Variants in TRDN observed in about 807,000 individuals in gnomAD.
TRDN encodes triadin in skeletal muscle.
Under a neutral mutation model 149.7 loss-of-function variants are expected in TRDN, and 161 were observed. The observed-to-expected ratio is 1.08, with a 90% CI of 0.95 to 1.23. The LOEUF (loss-of-function observed/expected upper bound fraction) is 1.23, where lower values mean the gene tolerates loss of function less well. Ranked by LOEUF, TRDN falls within the 50% of genes most tolerant of loss-of-function variation. The pLI, the probability that TRDN is intolerant of heterozygous loss-of-function variation, is 0.00. For synonymous variants in TRDN, 294 were observed against 250.5 expected, an observed-to-expected ratio of 1.17 and a Z score of -1.64; for missense variants, 896 against 823.5, an observed-to-expected ratio of 1.09 and a Z score of -1.08.
In TRDN at chr6:123,503,758, C is replaced by A. The variant is rs749401047; in HGVS notation, c.754G>T (p.Asp252Tyr). Residue 252 changes from aspartate (D) to tyrosine (Y), a missense_variant, in exon 8 of 41, where the codon GAC becomes TAC. Physicochemically the swap from Asp to Tyr is radical, Grantham distance 160. Coordinates refer to ENST00000334268, the MANE Select transcript of TRDN (RefSeq NM_006073.4). Reference protein sequence around the residue: ...KTPSKPKEKEDKEKAAVSKHE... With the variant: ...KTPSKPKEKEYKEKAAVSKHE... ...TTTGACACAGCTGCTTTCTCTTTGT[C>A]CTCCTTTTCTTTGGGTTTTGATGGT... 1.3e-5 allele frequency: 21 copies of A among 1,613,526 alleles called. No individual in the cohort carries two copies. The highest frequency in any genetic ancestry group is 1.6e-5 in the Non-Finnish European group (19 of 1,179,794).
intron 9 of TRDN, chr6:123,468,704 GA>G (rs1776980631): frequency 6.6e-6 from 1 of 152,148 alleles, no homozygotes; most frequent in African/African-American, 2.4e-5. Flanking sequence ...TTATGAACGA[GA>G]TTCCCTGATT....
At chr6:123,498,406 G>A (rs1250369135) in intron 8 of TRDN, 2 of 333,402 alleles carry the variant, frequency 6.0e-6, no homozygotes, top group African/African-American at 4.3e-5. Flanking sequence ...AATAAATATA[G>A]TTATTGAAGA....
At chr6:123,307,911 G>C (rs1485901220) in intron 24 of TRDN, among the ~76,000 whole-genome samples, 1 of 151,788 alleles carries the variant, frequency 6.6e-6, no homozygotes, top group Non-Finnish European at 1.5e-5. Flanking sequence ...TTGTTACCTG[G>C]GTATATCGTG....
At chr6:123,491,359 C>T (rs924363420) in intron 9 of TRDN, among the ~76,000 whole-genome samples, 14 of 152,078 alleles carry the variant, frequency 9.2e-5, no homozygotes, top group Non-Finnish European at 1.6e-4. Context: ...ACTGAAGGCT[C>T]ATAGATGATA....
chr6:123,517,640 A>G (rs2114262602), intron 5 of TRDN, among the ~76,000 whole-genome samples: 1 of 152,218 alleles, frequency 6.6e-6, no homozygotes, highest in Non-Finnish European at 1.5e-5. Flanking sequence ...CATTATAACT[A>G]AATGCTAGTA....
intron 1 of TRDN, among the ~76,000 whole-genome samples, chr6:123,588,340 A>G (rs1004473092): frequency 6.6e-6 from 1 of 152,084 alleles, no homozygotes. Flanking sequence ...CTGTTTCGCA[A>G]CTCTTAAAAA....
At chr6:123,623,873 G>T (rs1417247342) in intron 1 of TRDN, among the ~76,000 whole-genome samples, 1 of 151,820 alleles carries the variant, frequency 6.6e-6, no homozygotes, top group Admixed American at 6.6e-5. Flanking sequence ...GTTTTATATT[G>T]ATTCATTCCC....
At chr6:123,505,446 C>G (rs1453480210) in intron 7 of TRDN, among the ~76,000 whole-genome samples, 2 of 151,926 alleles carry the variant, frequency 1.3e-5, no homozygotes, top group African/African-American at 4.8e-5. Context: ...ATTGACTACG[C>G]CAGCACTTCC....
chr6:123,220,737 G>A (rs1775116769), intron 40 of TRDN, among the ~76,000 whole-genome samples: 1 of 151,682 alleles, frequency 6.6e-6, no homozygotes, highest in Non-Finnish European at 1.5e-5. Flanking sequence ...CATCCAAAAA[G>A]CACTGGAGAA....
intron 23 of TRDN, among the ~76,000 whole-genome samples, chr6:123,322,648 TA>T (rs1779286703): frequency 1.4e-5 from 2 of 143,348 alleles, no homozygotes; most frequent in African/African-American, 2.7e-5. Context: ...TTATTATTAT[TA>T]TTATTATTTT....
intron 2 of TRDN, among the ~76,000 whole-genome samples, chr6:123,558,358 T>C (rs1439650552): frequency 6.6e-6 from 1 of 151,996 alleles, no homozygotes; most frequent in East Asian, 1.9e-4. Flanking sequence ...CTATAATCCT[T>C]TTATCACCTC....
chr6:123,488,756 C>T (rs1438872550), intron 9 of TRDN: 1 of 150,146 alleles, frequency 6.7e-6, no homozygotes, highest in Non-Finnish European at 1.5e-5. Context: ...CCAAAGTGAC[C>T]TCATTTGCAA....
At chr6:123,474,351 A>G (rs1178126377) in intron 9 of TRDN, among the ~76,000 whole-genome samples, 1 of 152,192 alleles carries the variant, frequency 6.6e-6, no homozygotes, top group Non-Finnish European at 1.5e-5. Context: ...AAAGAAGGCC[A>G]TTACATAATG....
chr6:123,539,665 A>C (rs1780727784), intron 4 of TRDN, among the ~76,000 whole-genome samples: 1 of 152,158 alleles, frequency 6.6e-6, no homozygotes, highest in Admixed American at 6.5e-5. Context: ...AGTTATTCCA[A>C]TGGCTTAGGT....
chr6:123,381,322 T>C (rs1339868323), intron 16 of TRDN, 48 bp downstream of exon 16: 2 of 1,519,678 alleles, frequency 1.3e-6, no homozygotes, highest in South Asian at 2.4e-5. Context: ...AGGCAAATAA[T>C]AGTAGTAAAA....
intron 40 of TRDN, among the ~76,000 whole-genome samples, chr6:123,219,116 G>T (rs910961651): frequency 1.3e-5 from 2 of 151,870 alleles, no homozygotes; most frequent in African/African-American, 4.8e-5. Flanking sequence ...TTCAAAATAT[G>T]AGCTTATCAA....
chr6:123,524,585 G>A lies in TRDN; in HGVS notation c.484+5921C>T, dbSNP rs1779853085. On this transcript the variant is annotated intron_variant, in intron 5 of 40. Coordinates refer to ENST00000334268, the MANE Select transcript of TRDN (RefSeq NM_006073.4). ...GGCCATACACAAACTGTGTCCTATTGTCAAGGTGACTAAGCTCTTCACATA... is the reference window on the plus strand; with the variant it reads ...GGCCATACACAAACTGTGTCCTATTATCAAGGTGACTAAGCTCTTCACATA... 1.3e-5 allele frequency among the ~76,000 whole-genome samples: 2 copies of A among 152,046 alleles called. 1 individual carries two copies. The highest frequency in any genetic ancestry group is 4.1e-4 in the South Asian group (2 of 4,820).
In TRDN at chr6:123,457,820, A is replaced by C. The variant is rs1203093836; in HGVS notation, c.931+7086T>G. The stretch of plus-strand genomic sequence containing the variant: ...GTTTAAATCTTTATTGAAATATCTC[A>C]AATAGTCAACATCATATGATCCAAA... On this transcript the variant is annotated intron_variant, in intron 10 of 40. Transcript: ENST00000334268. Among the ~76,000 whole-genome samples the C allele has an allele frequency of 2.0e-5, 3 of 152,354 alleles. No individual in the cohort carries two copies. The East Asian group carries it at 5.8e-4, about 29-fold the overall frequency.
At chr6:123,571,893 G>A (rs1998260) in intron 1 of TRDN, among the ~76,000 whole-genome samples, 44,680 of 151,826 alleles carry the variant, frequency 0.29, 6,854 homozygotes, top group East Asian at 0.46. Context: ...ATGGCTGTGC[G>A]TAATTTAATC....
Sources: allele counts gnomAD v4.1 joint callset (sites outside exome capture counted in the v4.1 genomes callset), GRCh38; gene constraint gnomAD v4.1.1; transcripts MANE v1.5; gene names NCBI Gene and HGNC (gene_info 2026-07-23, HGNC 2026-07-21).